Variants in EHHADH observed in about 807,000 individuals in gnomAD.
EHHADH encodes enoyl-CoA hydratase and 3-hydroxyacyl CoA dehydrogenase, also known as peroxisomal bifunctional enzyme.
In EHHADH, 48 loss-of-function variants were observed where a neutral mutation model predicts 64.4. The ratio of observed to expected loss-of-function variants is 0.75; its 90% CI spans 0.59 to 0.95. The LOEUF (loss-of-function observed/expected upper bound fraction) is 0.95. Ranked by LOEUF, EHHADH falls within the 40% of genes least tolerant of loss-of-function variation. The pLI, the probability that EHHADH is intolerant of heterozygous loss-of-function variation, is 0.00. For synonymous variants in EHHADH, 308 were observed against 326.7 expected (o/e 0.94, Z 0.62); for missense variants, 854 against 876.6 (o/e 0.97, Z 0.33).
intron 1 of EHHADH, 158 bp downstream of exon 1, chr3:185,253,791 A>T: frequency 7.3e-7 from 1 of 1,367,766 alleles, no homozygotes; most frequent in South Asian, 1.8e-5. Context: ...AGAAAAAGAA[A>T]GAAAGAAAAG....
At chr3:185,252,013 T>C (rs1426231723) in intron 1 of EHHADH, among the ~76,000 whole-genome samples, 1 of 152,192 alleles carries the variant, frequency 6.6e-6, no homozygotes, top group African/African-American at 2.4e-5. Context: ...CTTTATGAGG[T>C]AGGCCCTAAC....
chr3:185,211,028 T>C (rs1309753815), intron 5 of EHHADH, among the ~76,000 whole-genome samples: 1 of 152,198 alleles, frequency 6.6e-6, no homozygotes, highest in Non-Finnish European at 1.5e-5. Context: ...CTGGAAAATT[T>C]TGGATCCGGG....
At position 185,235,415 on chromosome 3, in the gene EHHADH, G is replaced by C. The variant is rs756040803; in HGVS notation, c.226C>G (p.Leu76Val). The change falls in exon 3 of 7, where the codon CTG (leucine) becomes GTG (valine). Residue 76 changes from leucine (L) to valine (V), a missense_variant. By Grantham distance (32) the Leu-to-Val change is conservative (BLOSUM62 1). Coordinates refer to ENST00000231887, the MANE Select transcript of EHHADH (RefSeq NM_001966.4). The part of the protein sequence containing the change: ...FSAPRTFGLT[L>V]GHVVDEIQRN... Reference sequence around the variant, plus strand: ...TGTATTTCATCTACTACATGTCCCAGTGTAAGGCCAAATGTCCTAGGAGCA... The same window carrying C: ...TGTATTTCATCTACTACATGTCCCACTGTAAGGCCAAATGTCCTAGGAGCA... 6.2e-7 allele frequency: 1 copy of C among 1,613,764 alleles called. No individual in the cohort carries two copies. Among genetic ancestry groups the C allele is most frequent in the African/African-American group, 1.3e-5 (1 of 74,886 alleles).
intron 2 of EHHADH, 63 bp downstream of exon 2, chr3:185,248,351 A>G (rs113486328): frequency 8.9e-7 from 1 of 1,129,054 alleles, no homozygotes; most frequent in South Asian, 1.2e-5. Context: ...CAGCTAATGC[A>G]GTATTGGTCT....
In EHHADH at chr3:185,192,888, CCT is replaced by C. The variant is rs1300362603; in HGVS notation, c.1508_1509del (p.Glu503GlyfsTer12). 7 of 1,614,088 alleles carry C rather than the reference CCT, an allele frequency of 4.3e-6. No homozygotes were observed. The highest frequency in any genetic ancestry group is 5.9e-6 in the Non-Finnish European group (7 of 1,180,044). On this transcript the variant is annotated frameshift_variant, in exon 7 of 7. Coordinates refer to ENST00000231887, the MANE Select transcript of EHHADH (RefSeq NM_001966.4). LOFTEE classifies it high-confidence loss of function. The stretch of plus-strand genomic sequence containing the variant: ...AACTCTTCCAGCACCTGATCTACCT[CCT>C]CTGGTTTGCTGCCTTCTTCTAACAA... ...YFLLEEGSKP[E>X]EVDQVLEEFG...
At chr3:185,194,777 T>C (rs1211122157) in intron 6 of EHHADH, among the ~76,000 whole-genome samples, 1 of 99,798 alleles carries the variant, frequency 1.0e-5, no homozygotes, top group African/African-American at 3.9e-5. Context: ...CTCCAGCCTA[T>C]GTGACAGAGT....
chr3:185,210,837 A>G (rs1291923774), intron 5 of EHHADH, among the ~76,000 whole-genome samples: 2 of 152,110 alleles, frequency 1.3e-5, no homozygotes, highest in Non-Finnish European at 2.9e-5. Flanking sequence ...AAAAAAAGAG[A>G]GGAGAGAACA....
rs375669510 is a variant in EHHADH at position 185,192,461 on chromosome 3, A to G, written c.1937T>C (p.Ile646Thr). ...ATATCCATGTAAATAGACAACATCA[A>G]TGTGCTCTGGGCTAGCAGCTATCCC... ...GEGIAASPEH[I>T]DVVYLHGYGW... The change falls in exon 7 of 7, where the codon ATT becomes ACT. Residue 646 changes from isoleucine to threonine, a missense_variant. Transcript: ENST00000231887. The G allele has an allele frequency of 9.3e-6, 15 of 1,614,112 alleles. No homozygotes were observed. The highest frequency in any genetic ancestry group is 7.7e-5 in the South Asian group (7 of 91,090).
chr3:185,206,351 A>G (rs1013483344), intron 5 of EHHADH, among the ~76,000 whole-genome samples: 20 of 152,256 alleles, frequency 1.3e-4, no homozygotes, highest in African/African-American at 4.8e-4. Context: ...ACAGATCACA[A>G]ATCTAAATTG....
At chr3:185,237,233 T>C (rs1048001787) in intron 2 of EHHADH, among the ~76,000 whole-genome samples, 2 of 152,240 alleles carry the variant, frequency 1.3e-5, no homozygotes, top group Admixed American at 1.3e-4. Context: ...GCAAAACTGC[T>C]AAATTTTCTT....
chr3:185,233,460 A>G (rs1169034074), intron 3 of EHHADH, among the ~76,000 whole-genome samples: 1 of 152,220 alleles, frequency 6.6e-6, no homozygotes, highest in African/African-American at 2.4e-5. Flanking sequence ...ACCAAAAAGC[A>G]TAGAAAACAA....
chr3:185,205,302 T>C (rs996179465), intron 5 of EHHADH, among the ~76,000 whole-genome samples: 1 of 152,086 alleles, frequency 6.6e-6, no homozygotes, highest in Non-Finnish European at 1.5e-5. Context: ...TACCCAGAAG[T>C]TGGTTTTTCA....
chr3:185,194,792 C>A (rs1462767410), intron 6 of EHHADH, among the ~76,000 whole-genome samples: 1 of 9,590 alleles, frequency 1.0e-4, no homozygotes, highest in Non-Finnish European at 4.0e-4. Flanking sequence ...CAGAGTGAGA[C>A]CCTGTCTCAA....
intron 4 of EHHADH, among the ~76,000 whole-genome samples, chr3:185,227,864 C>T (rs572691489): frequency 1.2e-3 from 185 of 151,798 alleles, no homozygotes; most frequent in Non-Finnish European, 2.3e-3. Flanking sequence ...TAATATATAT[C>T]TAACAATTAT....
chr3:185,251,970 C>G (rs1046791967), intron 1 of EHHADH, among the ~76,000 whole-genome samples: 7 of 152,180 alleles, frequency 4.6e-5, no homozygotes, highest in Non-Finnish European at 7.3e-5. Flanking sequence ...TTAAATGCCA[C>G]TTCATAATTT....
intron 2 of EHHADH, chr3:185,246,034 T>C: frequency 7.7e-7 from 1 of 1,304,082 alleles, no homozygotes; most frequent in East Asian, 2.3e-5. Context: ...TCTCTAGTAG[T>C]TCATCCTCAT....
intron 5 of EHHADH, among the ~76,000 whole-genome samples, chr3:185,210,754 C>T (rs1458865811): frequency 6.6e-5 from 10 of 152,012 alleles, no homozygotes; most frequent in Middle Eastern, 6.8e-3. Flanking sequence ...GAGTGTTGTC[C>T]GCCACTGAAT....
At chr3:185,221,628 A>C (rs1718837128) in intron 4 of EHHADH, among the ~76,000 whole-genome samples, 1 of 135,206 alleles carries the variant, frequency 7.4e-6, no homozygotes, top group African/African-American at 2.8e-5. Context: ...GCTGGAGTGC[A>C]GTGGCGCAAT....
At chr3:185,201,244 G>A (rs1718213728) in intron 6 of EHHADH, among the ~76,000 whole-genome samples, 1 of 152,142 alleles carries the variant, frequency 6.6e-6, no homozygotes, top group Non-Finnish European at 1.5e-5. Context: ...GCTACAAGGA[G>A]GGAATGATTG....
Sources: gnomAD v4.1 joint callset for allele counts (sites outside exome capture counted in the v4.1 genomes callset) on GRCh38, gnomAD v4.1.1 for gene constraint, MANE v1.5 for transcripts, NCBI Gene and HGNC (gene_info 2026-07-23, HGNC 2026-07-21) for gene names.